The following IGF2BP3 variants were observed in gnomAD, a reference collection of about 807,000 sequenced individuals.
The protein encoded by IGF2BP3 is insulin-like growth factor 2 mRNA-binding protein 3.
A neutral mutation model predicts 73.8 loss-of-function variants in IGF2BP3; 9 were observed. The ratio of observed to expected loss-of-function variants is 0.12; its 90% CI spans 0.07 to 0.21. The LOEUF is 0.21. IGF2BP3 is among the 10% of genes least tolerant of loss of function. The pLI, the probability that IGF2BP3 is intolerant of heterozygous loss-of-function variation, is 1.00. For missense variants in IGF2BP3, 542 were observed against 714.0 expected (o/e 0.76, Z 2.75); for synonymous variants, 258 against 256.7 (o/e 1.01, Z -0.05).
intron 3 of IGF2BP3, among the ~76,000 whole-genome samples, chr7:23,394,892 T>C (rs1333907543): frequency 6.6e-6 from 1 of 152,204 alleles, no homozygotes; most frequent in Non-Finnish European, 1.5e-5. Flanking sequence ...AAGTCAGAAA[T>C]GTTTGTTCAG....
intron 3 of IGF2BP3, among the ~76,000 whole-genome samples, chr7:23,382,368 TA>T (rs1369674946): frequency 6.6e-6 from 1 of 151,622 alleles, no homozygotes; most frequent in Non-Finnish European, 1.5e-5. Context: ...GTAGTTTGAG[TA>T]AAATGAAATT....
intron 2 of IGF2BP3, among the ~76,000 whole-genome samples, chr7:23,463,967 C>T (rs1268436365): frequency 6.6e-6 from 1 of 152,200 alleles, no homozygotes; most frequent in Non-Finnish European, 1.5e-5. Context: ...ACATTCAGAA[C>T]CTCAAGTCTC....
intron 8 of IGF2BP3, among the ~76,000 whole-genome samples, chr7:23,344,430 T>C (rs913340656): frequency 5.3e-5 from 8 of 152,210 alleles, no homozygotes; most frequent in African/African-American, 1.9e-4. Context: ...GCTGGAGGAA[T>C]ATCAATCCAT....
Position 23,310,480 on chromosome 7 carries a change from A to G in IGF2BP3, c.*1882T>C, listed in dbSNP as rs1182050717. 1.3e-5 allele frequency: 2 copies of G among 152,244 alleles called. No individual in the cohort carries two copies. Among genetic ancestry groups the G allele is most frequent in the African/African-American group, 2.4e-5 (1 of 41,468 alleles). 9.4% of individuals were successfully genotyped at this position (152,244 alleles called of 1,614,324 possible). A position where few individuals can be genotyped will look rare whatever the true frequency, so the allele number is the denominator to read the frequency against. Reference sequence around the variant, plus strand: ...AGCACCTATGTGTATATTTTTAAAAAATCAAATATTGGGGAAAAAAATCAA... The same window carrying G: ...AGCACCTATGTGTATATTTTTAAAAGATCAAATATTGGGGAAAAAAATCAA... On this transcript the variant is annotated 3_prime_UTR_variant, in exon 15 of 15. Transcript: ENST00000258729.
chr7:23,468,795 C>T (rs1287421689), intron 1 of IGF2BP3, among the ~76,000 whole-genome samples: 1 of 152,170 alleles, frequency 6.6e-6, no homozygotes, highest in African/African-American at 2.4e-5. Flanking sequence ...TCCAAGCCTC[C>T]CCCACCCACC....
In IGF2BP3 at chr7:23,351,332, C is replaced by T. The variant is rs907011940; in HGVS notation, c.656G>A (p.Arg219Gln). ...AGACTGGGTCTGTTTGGTGATGTTCCGAATGGTGGCACCTTCTTTTCCTAT... is the reference window on the plus strand; with the variant it reads ...AGACTGGGTCTGTTTGGTGATGTTCTGAATGGTGGCACCTTCTTTTCCTAT... The part of the protein sequence containing the change: ...AIIGKEGATI[R>Q]NITKQTQSKI... The change falls in exon 6 of 15, where the codon CGG becomes CAG. Residue 219 changes from arginine (R) to glutamine (Q), a missense_variant. Coordinates refer to ENST00000258729, the MANE Select transcript of IGF2BP3 (RefSeq NM_006547.3). The T allele has an allele frequency of 8.7e-6, 14 of 1,613,674 alleles. No individual in the cohort carries two copies. Among genetic ancestry groups the T allele is most frequent in the African/African-American group, 2.7e-5 (2 of 74,862 alleles).
intron 3 of IGF2BP3, chr7:23,413,300 G>A (rs1351235836): frequency 2.0e-5 from 3 of 152,062 alleles, no homozygotes; most frequent in Admixed American, 1.3e-4. Context: ...GGTCAACATG[G>A]TGTAGCCCTG....
chr7:23,351,429 A>T lies in IGF2BP3; in HGVS notation c.559T>A (p.Ser187Thr), dbSNP rs764598942. ...TCACATGGTTTCTGCTTGGATACGG[A>T]TCCTGGAGACCCCTGCCTTGAGGAG... The part of the protein sequence containing the change: ...RGSSRQGSPG[S>T]VSKQKPCDLP... Residue 187 changes from serine (S) to threonine (T), a missense_variant, in exon 6 of 15, where the codon TCC becomes ACC. Around this residue, in one of 2 missense-constraint regions of IGF2BP3, gnomAD observed 239 missense variants for 241.9 expected, o/e 0.99. Transcript: ENST00000258729. 2 of 1,613,490 alleles carry T rather than the reference A, an allele frequency of 1.2e-6. No individual in the cohort carries two copies. Among genetic ancestry groups the T allele is most frequent in the Admixed American group, 3.3e-5 (2 of 59,956 alleles).
intron 2 of IGF2BP3, among the ~76,000 whole-genome samples, chr7:23,454,355 G>A (rs935062720): frequency 1.3e-5 from 2 of 151,956 alleles, no homozygotes; most frequent in African/African-American, 4.8e-5. Flanking sequence ...CTTATTCACA[G>A]TGCATAACCC....
chr7:23,389,527 C>A (rs571057801), intron 3 of IGF2BP3, among the ~76,000 whole-genome samples: 2 of 150,198 alleles, frequency 1.3e-5, no homozygotes, highest in East Asian at 2.0e-4. Flanking sequence ...AAATTACATG[C>A]AATATATTCA....
chr7:23,368,291 T>C (rs557806742), intron 3 of IGF2BP3, among the ~76,000 whole-genome samples: 15 of 134,242 alleles, frequency 1.1e-4, no homozygotes, highest in African/African-American at 3.4e-4. Flanking sequence ...CTTGTTAGTA[T>C]AGCGAAGACA....
At chr7:23,440,647 T>C (rs888424445) in intron 2 of IGF2BP3, among the ~76,000 whole-genome samples, 1 of 152,212 alleles carries the variant, frequency 6.6e-6, no homozygotes, top group Admixed American at 6.5e-5. Context: ...AGTGCAAACA[T>C]AAGCTATCCC....
chr7:23,452,820 G>A (rs560313347), intron 2 of IGF2BP3, among the ~76,000 whole-genome samples: 52 of 148,432 alleles, frequency 3.5e-4, no homozygotes, highest in African/African-American at 1.2e-3. Flanking sequence ...AAAAAAAGTG[G>A]GGGGCGCACA....
At chr7:23,313,707 T>G in intron 12 of IGF2BP3, 54 bp from the exon 13 acceptor site, 1 of 1,580,516 alleles carries the variant, frequency 6.3e-7, no homozygotes, top group African/African-American at 1.4e-5. Context: ...ATGGAAAAGG[T>G]CAGTTAACTT....
intron 2 of IGF2BP3, among the ~76,000 whole-genome samples, chr7:23,461,823 T>C (rs950314721): frequency 4.6e-5 from 7 of 152,236 alleles, no homozygotes; most frequent in African/African-American, 1.7e-4. Flanking sequence ...TCTCGGTACA[T>C]GCATGCCACT....
intron 2 of IGF2BP3, among the ~76,000 whole-genome samples, chr7:23,439,554 C>CAAAAAAAA (rs11332929): frequency 1.8e-5 from 1 of 56,724 alleles, no homozygotes; most frequent in Non-Finnish European, 3.4e-5. Context: ...GACTCCGTCT[C>CAAAAAAAA]AAAAAAAAAA....
At chr7:23,342,315 G>C in intron 9 of IGF2BP3, 126 bp from the exon 10 acceptor site, 1 of 1,017,126 alleles carries the variant, frequency 9.8e-7, no homozygotes, top group Non-Finnish European at 1.5e-6. Context: ...ACTCAAAGCA[G>C]ATGTTCCATG....
chr7:23,325,471 C>T (rs925768004), intron 10 of IGF2BP3, among the ~76,000 whole-genome samples: 6 of 152,138 alleles, frequency 3.9e-5, no homozygotes, highest in African/African-American at 1.4e-4. Flanking sequence ...TAGGAAGAAT[C>T]AATATCGTGA....
At chr7:23,325,369 T>C (rs1053073652) in intron 10 of IGF2BP3, among the ~76,000 whole-genome samples, 2 of 152,144 alleles carry the variant, frequency 1.3e-5, no homozygotes, top group African/African-American at 4.8e-5. Context: ...TTACAAGGGA[T>C]GTGACGGACC....
Sources: allele counts gnomAD v4.1 joint callset (sites outside exome capture counted in the v4.1 genomes callset), GRCh38; gene constraint gnomAD v4.1.1; regional missense constraint gnomAD v4.1.1; transcripts MANE v1.5; gene names NCBI Gene and HGNC (gene_info 2026-07-23, HGNC 2026-07-21).